RPE65: variants seen among roughly 807,000 people sequenced by gnomAD.
RPE65 encodes the protein retinoid isomerohydrolase.
In RPE65, 58 loss-of-function variants were observed where a neutral mutation model predicts 68.5. The ratio of observed to expected loss-of-function variants is 0.85; its 90% confidence interval spans 0.69 to 1.05. The LOEUF is 1.05. RPE65 is among the 50% of genes least tolerant of loss of function. RPE65 has a pLI of 0.00. For missense variants in RPE65, 643 were observed against 629.9 expected (o/e 1.02, Z -0.22); for synonymous variants, 220 against 222.2 (o/e 0.99, Z 0.09).
intron 4 of RPE65, 49 bp from the exon 5 acceptor site, chr1:68,444,721 AG>A: frequency 6.2e-7 from 1 of 1,614,098 alleles, no homozygotes; most frequent in Non-Finnish European, 8.5e-7. Flanking sequence ...AAGCCATGAG[AG>A]AAAAAGGGCT....
In RPE65 at chr1:68,429,819, A is replaced by G. The variant is rs281865291; in HGVS notation, c.1559T>C (p.Ile520Thr). The G allele has an allele frequency of 7.4e-6, 12 of 1,613,732 alleles. No individual in the cohort carries two copies. The African/African-American group carries it at 1.3e-4, about 18-fold the overall frequency. The change falls in exon 14 of 14, where the codon ATT (isoleucine) becomes ACT (threonine). Residue 520 changes from isoleucine to threonine, a missense_variant. Ile to Thr is a moderately conservative substitution (Grantham distance 89). Coordinates refer to ENST00000262340, the MANE Select transcript of RPE65 (RefSeq NM_000329.3). ...LSEVARAEVE[I>T]NIPVTFHGLF... ...TCCATGAAAGGTGACAGGGATGTTA[A>G]TCTCCACTTCAGCCCGGGCAACTTC...
At position 68,444,901 on chromosome 1, in the gene RPE65, A is replaced by G. The variant is rs774677664; in HGVS notation, c.246-18T>C. ...GGATGAACCTGAAGGACATTGAAAC[A>G]TAGGGAAGAGTATAGACAGGAGCAA... On this transcript the variant is annotated intron_variant, in intron 3 of 13. Coordinates refer to ENST00000262340, the MANE Select transcript of RPE65 (RefSeq NM_000329.3). 1 of 1,610,680 alleles carries G rather than the reference A, an allele frequency of 6.2e-7. No individual in the cohort carries two copies. Among genetic ancestry groups the G allele is most frequent in the East Asian group, 2.2e-5 (1 of 44,856 alleles).
Position 68,441,003 on chromosome 1 carries a change from A to G in RPE65, c.496-3T>C. ...GAGACATAGTTGCAAAGATCAACCT[A>G]CGGAAGTAAAGTGAATGTCCTCCAG... On this transcript the variant is annotated splice_polypyrimidine_tract_variant and splice_region_variant and intron_variant, in intron 5 of 13. Transcript: ENST00000262340. 6.2e-7 allele frequency: 1 copy of G among 1,613,782 alleles called. No individual in the cohort carries two copies.
intron 10 of RPE65, among the ~76,000 whole-genome samples, chr1:68,432,221 C>T (rs1270626243): frequency 6.6e-6 from 1 of 152,018 alleles, no homozygotes; most frequent in East Asian, 1.9e-4. Context: ...TTATTCTAGA[C>T]TCTATTCTTG....
chr1:68,438,099 T>A lies in RPE65; in HGVS notation c.1128+88A>T, dbSNP rs1419146741. The A allele has an allele frequency of 5.9e-6, 9 of 1,527,554 alleles. No individual in the cohort carries two copies. The Admixed American group carries it at 1.4e-4, about 23-fold the overall frequency. 94.6% of individuals were successfully genotyped at this position (1,527,554 alleles called of 1,614,324 possible). On this transcript the variant is annotated intron_variant, in intron 10 of 13. Transcript: ENST00000262340. The stretch of plus-strand genomic sequence containing the variant: ...CCTTCTAGCTCTCAAATTTCAAGAC[T>A]TTATGTATAAACATGAGGCAGGAGG...
At chr1:68,434,934 A>G (rs1217299075) in intron 10 of RPE65, among the ~76,000 whole-genome samples, 1 of 152,096 alleles carries the variant, frequency 6.6e-6, no homozygotes, top group African/African-American at 2.4e-5. Flanking sequence ...TTCATTGCCA[A>G]ACTTTTAAGA....
chr1:68,437,513 A>G lies in RPE65; in HGVS notation c.1128+674T>C, dbSNP rs17130689. Among the ~76,000 whole-genome samples the G allele has an allele frequency of 8.8e-3, 1,340 of 152,340 alleles. 17 individuals are homozygous for G. The highest frequency in any genetic ancestry group is 0.031 in the African/African-American group (1,281 of 41,574). On this transcript the variant is annotated intron_variant, in intron 10 of 13. Transcript: ENST00000262340. Reference sequence around the variant, plus strand: ...TTTTACATTCCATGTAGCTGTTTTAATAACCCCTTTTGTGCAACCAGGGAG... The same window carrying G: ...TTTTACATTCCATGTAGCTGTTTTAGTAACCCCTTTTGTGCAACCAGGGAG...
chr1:68,432,035 A>T (rs978238231), intron 10 of RPE65, among the ~76,000 whole-genome samples: 2 of 152,014 alleles, frequency 1.3e-5, no homozygotes. Flanking sequence ...TTTGCTTGAA[A>T]AAAAAAATCC....
At chr1:68,446,673 C>T in intron 3 of RPE65, 37 bp downstream of exon 3, 5 of 1,613,892 alleles carry the variant, frequency 3.1e-6, no homozygotes, top group Non-Finnish European at 4.2e-6. Flanking sequence ...CTAGGCCCTA[C>T]TTTGAGGAGG....
chr1:68,444,576 G>T lies in RPE65; in HGVS notation c.450C>A (p.Asn150Lys). The T allele has an allele frequency of 6.2e-7, 1 of 1,614,150 alleles. No homozygotes were observed. The highest frequency in any genetic ancestry group is 8.5e-7 in the Non-Finnish European group (1 of 1,180,022). The change falls in exon 5 of 14, where the codon AAC (asparagine) becomes AAA (lysine). Residue 150 changes from asparagine (N) to lysine (K), a missense_variant. Physicochemically the swap from Asn to Lys is moderately conservative, Grantham distance 94. Transcript: ENST00000262340. ...TCTCTGGATTAATCTTTGTAATAAA[G>T]TTGGTCTCTGTGCAAGCGTAGTAAT... Reference protein sequence around the residue: ...GEDYYACTETNFITKINPETL... With the variant: ...GEDYYACTETKFITKINPETL...
chr1:68,430,577 A>G (rs1645818946), intron 13 of RPE65, among the ~76,000 whole-genome samples: 1 of 151,786 alleles, frequency 6.6e-6, no homozygotes, highest in Non-Finnish European at 1.5e-5. Flanking sequence ...GCTGATTTGT[A>G]ATTTGAGTTG....
At chr1:68,436,537 C>T (rs572754575) in intron 10 of RPE65, among the ~76,000 whole-genome samples, 1 of 151,920 alleles carries the variant, frequency 6.6e-6, no homozygotes, top group Non-Finnish European at 1.5e-5. Flanking sequence ...GGCATGATCT[C>T]GGCTCACTGC....
intron 5 of RPE65, among the ~76,000 whole-genome samples, chr1:68,441,337 G>A (rs1645900915): frequency 6.6e-6 from 1 of 152,040 alleles, no homozygotes; most frequent in African/African-American, 2.4e-5. Context: ...TCTTATTATT[G>A]TATTAGATTT....
chr1:68,439,742 G>T, intron 6 of RPE65, 100 bp from the exon 7 acceptor site: 1 of 921,670 alleles, frequency 1.1e-6, no homozygotes, highest in South Asian at 1.4e-5. Flanking sequence ...AACACATTTT[G>T]ATTGTTTTAG....
rs775139279 is a variant in RPE65, at chr1:68,438,284, G to T, written c.1031C>A (p.Ala344Asp). 3 of 1,613,530 alleles carry T rather than the reference G, an allele frequency of 1.9e-6. No individual in the cohort carries two copies. The highest frequency in any genetic ancestry group is 2.5e-6 in the Non-Finnish European group (3 of 1,179,776). ...FEFVYNYLYLANLRENWEEVK... is the reference protein window; with the variant it reads ...FEFVYNYLYLDNLRENWEEVK... ...CTCTTCCCAGTTCTCACGTAAATTG[G>T]CTAAATATAAGTAATTATAAACAAA... Residue 344 changes from alanine (A) to aspartate (D), a missense_variant, in exon 10 of 14, where the codon GCC becomes GAC. By Grantham distance (126) the Ala-to-Asp change is moderately radical (BLOSUM62 -2). Coordinates refer to ENST00000262340, the MANE Select transcript of RPE65 (RefSeq NM_000329.3).
At chr1:68,447,894 C>A (rs2986124) in intron 2 of RPE65, among the ~76,000 whole-genome samples, 62,680 of 151,772 alleles carry the variant, frequency 0.41, 14,953 homozygotes, top group African/African-American at 0.65. Context: ...ACAAAAAAAA[C>A]CCCAGGTAGG....
chr1:68,444,368 A>G (rs188148936), intron 5 of RPE65, among the ~76,000 whole-genome samples, 163 bp downstream of exon 5: 2 of 152,364 alleles, frequency 1.3e-5, no homozygotes, highest in South Asian at 2.1e-4. Context: ...GGAAAGCATC[A>G]TAGACAGAGG....
In RPE65 at chr1:68,438,198, T is replaced by C. The variant is rs1355495996; in HGVS notation, c.1117A>G (p.Asn373Asp). Residue 373 changes from asparagine to aspartate, a missense_variant, in exon 10 of 14, where the codon AAT becomes GAT. By Grantham distance (23) the Asn-to-Asp change is conservative. Coordinates refer to ENST00000262340, the MANE Select transcript of RPE65 (RefSeq NM_000329.3). ...PEVRRYVLPL[N>D]IDKADTGKNL... is the part of the protein sequence containing the mutation. ...GAGAAGCAGGTTACCTTGTCAATAT[T>C]CAAAGGAAGTACATATCTCCTAACT... 8 of 1,613,958 alleles carry C rather than the reference T, an allele frequency of 5.0e-6. No individual in the cohort carries two copies. Among genetic ancestry groups the C allele is most frequent in the Non-Finnish European group, 5.9e-6 (7 of 1,179,920 alleles).
At chr1:68,439,527 T>A in intron 7 of RPE65, 34 bp downstream of exon 7, 1 of 1,606,578 alleles carries the variant, frequency 6.2e-7, no homozygotes, top group Non-Finnish European at 8.5e-7. Flanking sequence ...AAACTTGAGT[T>A]TTCCTGAAGA....
Sources: gnomAD v4.1 joint callset for allele counts (sites outside exome capture counted in the v4.1 genomes callset) on GRCh38, gnomAD v4.1.1 for gene constraint, MANE v1.5 for transcripts, NCBI Gene and HGNC (gene_info 2026-07-23, HGNC 2026-07-21) for gene names.